SOCS5: variants seen among roughly 807,000 people sequenced by gnomAD.
The protein encoded by SOCS5 is suppressor of cytokine signaling 5.
A neutral mutation model predicts 42.8 loss-of-function variants in SOCS5; 32 were observed. That is an observed-to-expected ratio of 0.75 (90% CI 0.56 to 1.01). The LOEUF is 1.01. Ranked by LOEUF, SOCS5 falls within the 50% of genes least tolerant of loss-of-function variation. The probability of loss-of-function intolerance (pLI) is 0.00; values close to 1 mark genes in which losing one functional copy is unlikely to be tolerated. For synonymous variants in SOCS5, 283 were observed against 229.6 expected (o/e 1.23, Z -2.10); for missense variants, 627 against 653.0 (o/e 0.96, Z 0.43).
At chr2:46,698,941 G>C (rs1010203276), upstream of SOCS5, 2 of 152,364 alleles carry the variant, frequency 1.3e-5, no homozygotes, top group African/African-American at 4.8e-5. Context: ...GCAGCTGCCA[G>C]ACTCCAAAAT....
chr2:46,710,656 T>C (rs1394061749), intron 1 of SOCS5, among the ~76,000 whole-genome samples: 2 of 152,148 alleles, frequency 1.3e-5, no homozygotes, highest in East Asian at 3.8e-4. Flanking sequence ...ATAGCTAACA[T>C]CATATTCAGT....
chr2:46,762,730 T>A lies in SOCS5; in HGVS notation c.*2589T>A, dbSNP rs4953419. ...TTGTAGCCTGTCAACTAAATTTGAG[T>A]GTTAACGGTCTTTTTAAAGTGCATT... is the stretch of plus-strand genomic sequence containing the variant. On this transcript the variant is annotated 3_prime_UTR_variant, in exon 2 of 2. Transcript: ENST00000394861. The A allele has an allele frequency of 6.0e-6, 1 of 165,802 alleles. No individual in the cohort carries two copies. Among genetic ancestry groups the A allele is most frequent in the Non-Finnish European group, 1.5e-5 (1 of 68,028 alleles). 10.3% of individuals were successfully genotyped at this position (165,802 alleles called of 1,614,324 possible). A position where few individuals can be genotyped will look rare whatever the true frequency, so the allele number is the denominator to read the frequency against.
chr2:46,699,142 G>GCCCGCCCCCCGCCC (rs955101832), upstream of SOCS5: 4 of 153,508 alleles, frequency 2.6e-5, no homozygotes, highest in Non-Finnish European at 5.8e-5. This position sits in a 1 kb window ranked among gnomAD's most constrained non-coding sequence, Gnocchi z 4.8. Flanking sequence ...GCGTGCCCCT[G>GCCCGCCCCCCGCCC]CCCGCCCCCC....
chr2:46,724,605 T>G (rs1183925557), intron 1 of SOCS5, among the ~76,000 whole-genome samples: 3 of 152,092 alleles, frequency 2.0e-5, no homozygotes, highest in African/African-American at 7.2e-5. Context: ...TTTTCTAACT[T>G]CATTTGAGAC....
At chr2:46,712,316 T>TC (rs145520055) in intron 1 of SOCS5, among the ~76,000 whole-genome samples, 9,164 of 146,898 alleles carry the variant, frequency 0.062, 343 homozygotes, top group Middle Eastern at 0.12. Flanking sequence ...CTTTTTTTTT[T>TC]CCCACAAGTG....
At chr2:46,701,514 G>A (rs569833047) in intron 1 of SOCS5, among the ~76,000 whole-genome samples, 12 of 152,286 alleles carry the variant, frequency 7.9e-5, no homozygotes, top group African/African-American at 2.9e-4. Flanking sequence ...GTGGACTCCA[G>A]TCCAGAGATT....
rs990820474 is a variant in SOCS5, at chr2:46,718,485, C to T, written c.-13+19036C>T. Among the ~76,000 whole-genome samples the T allele has an allele frequency of 4.1e-4, 62 of 152,074 alleles. 1 individual carries two copies. The highest frequency in any genetic ancestry group is 1.5e-3 in the African/African-American group (61 of 41,420). ...TAAAAAAGGAAAAATAACTCAATAT[C>T]CCCAAACCCAAAGTTTACCAGTTAT... is the stretch of plus-strand genomic sequence containing the variant. On this transcript the variant is annotated intron_variant, in intron 1 of 1. Coordinates refer to ENST00000394861, the MANE Select transcript of SOCS5 (RefSeq NM_144949.3).
intron 1 of SOCS5, among the ~76,000 whole-genome samples, chr2:46,756,821 C>T (rs1272010950): frequency 1.3e-5 from 2 of 152,062 alleles, no homozygotes; most frequent in Non-Finnish European, 2.9e-5. Context: ...GAACGGAAAT[C>T]TTAATTTAAG....
chr2:46,747,589 T>G (rs1312326643), intron 1 of SOCS5, among the ~76,000 whole-genome samples: 1 of 152,194 alleles, frequency 6.6e-6, no homozygotes, highest in East Asian at 1.9e-4. Context: ...CCATGTAGTC[T>G]GTGGCCCTGG....
intron 1 of SOCS5, among the ~76,000 whole-genome samples, chr2:46,733,444 A>G (rs1307954685): frequency 6.6e-6 from 1 of 152,092 alleles, no homozygotes; most frequent in African/African-American, 2.4e-5. Context: ...TGTGGGGCCC[A>G]TGCCTGTAAT....
chr2:46,759,896 T>C lies in SOCS5; in HGVS notation c.1366T>C (p.Leu456=), dbSNP rs766434753. 3.7e-6 allele frequency: 6 copies of C among 1,614,166 alleles called. 1 individual carries two copies. The highest frequency in any genetic ancestry group is 4.5e-5 in the East Asian group (2 of 44,878). Residue 456 remains leucine (L), a synonymous_variant, in exon 2 of 2, where the codon TTA becomes CTA. Transcript: ENST00000394861. ...VFHSSTVTGL[L]EHYKDPSSCM... ...TCACTCCTCCACTGTAACGGGACTT[T>C]TAGAACATTATAAAGATCCCAGTTC...
intron 1 of SOCS5, among the ~76,000 whole-genome samples, chr2:46,719,400 G>C (rs910848453): frequency 3.9e-5 from 6 of 152,142 alleles, no homozygotes; most frequent in African/African-American, 1.4e-4. Flanking sequence ...TTAAAATTAT[G>C]AGTTTCTATC....
intron 1 of SOCS5, among the ~76,000 whole-genome samples, chr2:46,742,817 C>G (rs1202995994): frequency 1.3e-5 from 2 of 151,996 alleles, no homozygotes; most frequent in African/African-American, 4.8e-5. Flanking sequence ...AGGCACATAC[C>G]ACTATACCTG....
At chr2:46,709,686 G>T (rs966557954) in intron 1 of SOCS5, among the ~76,000 whole-genome samples, 6 of 152,094 alleles carry the variant, frequency 3.9e-5, no homozygotes, top group African/African-American at 1.4e-4. Flanking sequence ...GAGAAATTTG[G>T]GTAGTTAGAT....
intron 1 of SOCS5, among the ~76,000 whole-genome samples, chr2:46,739,028 C>T (rs1475478718): frequency 6.6e-6 from 1 of 152,084 alleles, no homozygotes; most frequent in Non-Finnish European, 1.5e-5. Context: ...AACTATTTAA[C>T]ACGTTTAATT....
intron 1 of SOCS5, among the ~76,000 whole-genome samples, chr2:46,721,011 C>G (rs897530): frequency 0.29 from 43,639 of 151,924 alleles, 7,199 homozygotes; most frequent in Non-Finnish European, 0.37. Flanking sequence ...TAGTCAAATC[C>G]AAATCAGAGG....
intron 1 of SOCS5, among the ~76,000 whole-genome samples, chr2:46,727,027 A>G (rs963706875): frequency 5.8e-4 from 88 of 151,808 alleles, no homozygotes; most frequent in African/African-American, 2.0e-3. Flanking sequence ...AAGTTCTGGG[A>G]TTACAGGCAT....
intron 1 of SOCS5, among the ~76,000 whole-genome samples, chr2:46,732,558 A>G (rs930995214): frequency 1.3e-5 from 2 of 152,216 alleles, no homozygotes; most frequent in Non-Finnish European, 2.9e-5. Flanking sequence ...TCATGGCCCA[A>G]TGTGCCACTT....
chr2:46,713,135 C>T (rs1672664926), intron 1 of SOCS5, among the ~76,000 whole-genome samples: 1 of 152,178 alleles, frequency 6.6e-6, no homozygotes, highest in Non-Finnish European at 1.5e-5. Flanking sequence ...GTGGAAGGAT[C>T]ACTTGAGCCC....
Sources: gnomAD v4.1 joint callset for allele counts (sites outside exome capture counted in the v4.1 genomes callset) on GRCh38, gnomAD v4.1.1 for gene constraint, Gnocchi (gnomAD v3.1) non-coding constraint, MANE v1.5 for transcripts, NCBI Gene and HGNC (gene_info 2026-07-23, HGNC 2026-07-21) for gene names.